The following DCAF6 variants were observed in gnomAD, a reference collection of about 807,000 sequenced individuals.
DCAF6 encodes the protein DDB1- and CUL4-associated factor 6.
In DCAF6, 54 loss-of-function variants were observed where a neutral mutation model predicts 125.1. The ratio of observed to expected loss-of-function variants is 0.43; its 90% confidence interval spans 0.35 to 0.54. The LOEUF is 0.54. Among genes scored for constraint, DCAF6 ranks in the 20% least tolerant of loss-of-function variants. The pLI is 0.01. For synonymous variants in DCAF6, 371 were observed against 390.4 expected (o/e 0.95, Z 0.58); for missense variants, 934 against 1,161.7 (o/e 0.80, Z 2.85).
chr1:167,939,493 T>G (rs894686257), intron 1 of DCAF6, among the ~76,000 whole-genome samples: 9 of 152,206 alleles, frequency 5.9e-5, no homozygotes, highest in Non-Finnish European at 1.3e-4. Context: ...CCGGGCGCGG[T>G]GGCTTACGCC....
At chr1:167,967,579 T>C (rs1290393342) in intron 3 of DCAF6, among the ~76,000 whole-genome samples, 1 of 152,164 alleles carries the variant, frequency 6.6e-6, no homozygotes, top group Non-Finnish European at 1.5e-5. Flanking sequence ...ATAGTTATTT[T>C]AAAATTTGTA....
At position 167,960,374 on chromosome 1, in the gene DCAF6, C is replaced by T. The variant is rs575296456; in HGVS notation, c.160-6255C>T. On this transcript the variant is annotated intron_variant, in intron 2 of 21. Coordinates refer to ENST00000367840, the MANE Select transcript of DCAF6 (RefSeq NM_001198956.2). ...AGTGCAATGGCGCGATCTCAGCTCA[C>T]GGCAGCCTCCACCTCCTGGGTTCAA... is the stretch of plus-strand genomic sequence containing the variant. Among the ~76,000 whole-genome samples, 3 of 152,224 alleles carry T rather than the reference C, an allele frequency of 2.0e-5. 1 individual carries two copies. Among genetic ancestry groups the T allele is most frequent in the East Asian group, 1.9e-4 (1 of 5,182 alleles).
At chr1:168,072,294 TAAAAAAAAA>T (rs59674650) in intron 21 of DCAF6, among the ~76,000 whole-genome samples, 1,180 of 41,120 alleles carry the variant, frequency 0.029, 64 homozygotes, top group African/African-American at 0.089. Flanking sequence ...AGAATCAGTC[TAAAAAAAAA>T]AAAAAAAAAA....
the DCAF6 span, among the ~76,000 whole-genome samples, chr1:167,927,230 A>G: frequency 6.6e-6 from 1 of 152,200 alleles, no homozygotes; most frequent in Non-Finnish European, 1.5e-5. Flanking sequence ...CTTTATGCCA[A>G]GGATATATTA....
intron 8 of DCAF6, 58 bp from the exon 9 acceptor site, chr1:168,003,812 A>G (rs1430937418): frequency 4.1e-6 from 6 of 1,468,282 alleles, no homozygotes; most frequent in African/African-American, 1.4e-5. Context: ...AGGTTTTTGT[A>G]TTAATGAAAG....
chr1:167,969,660 G>A (rs1234656424), intron 3 of DCAF6, among the ~76,000 whole-genome samples: 2 of 152,130 alleles, frequency 1.3e-5, no homozygotes, highest in Non-Finnish European at 2.9e-5. Flanking sequence ...TTAATGGGTC[G>A]TAGTTTTATT....
upstream of DCAF6, among the ~76,000 whole-genome samples, chr1:167,930,908 C>T (rs905778591): frequency 1.3e-5 from 2 of 152,188 alleles, no homozygotes; most frequent in Admixed American, 1.3e-4. Context: ...AGCAGGATAG[C>T]ACACAAAAAA....
intron 8 of DCAF6, among the ~76,000 whole-genome samples, chr1:168,002,859 G>A (rs1016326766): frequency 2.0e-5 from 3 of 152,060 alleles, no homozygotes; most frequent in Non-Finnish European, 2.9e-5. Flanking sequence ...CCCATAGTAC[G>A]TTGGGTATTG....
intron 1 of DCAF6, among the ~76,000 whole-genome samples, chr1:167,939,858 T>C (rs1671963146): frequency 6.6e-6 from 1 of 152,224 alleles, no homozygotes; most frequent in African/African-American, 2.4e-5. Context: ...AGGAAATAGA[T>C]TCCTTTTTTA....
chr1:167,924,673 T>C, the DCAF6 span: 2 of 595,884 alleles, frequency 3.4e-6, no homozygotes, highest in Admixed American at 3.5e-5. Context: ...GCTTTTTGCA[T>C]ACTTTGTATT....
chr1:167,964,789 AAGGTC>A (rs1335238550), intron 2 of DCAF6, among the ~76,000 whole-genome samples: 1 of 151,986 alleles, frequency 6.6e-6, no homozygotes, highest in African/African-American at 2.4e-5. Flanking sequence ...ATATATCCTC[AAGGTC>A]AGAGATTGTT....
intron 10 of DCAF6, 100 bp from the exon 11 acceptor site, chr1:168,015,681 G>A: frequency 5.4e-6 from 6 of 1,105,066 alleles, no homozygotes; most frequent in African/African-American, 1.6e-5. Flanking sequence ...TGAGACATGT[G>A]TTTTGTTTAT....
chr1:168,037,378 A>AC (rs1165597063), intron 12 of DCAF6, among the ~76,000 whole-genome samples: 30 of 152,294 alleles, frequency 2.0e-4, no homozygotes, highest in African/African-American at 7.2e-4. Flanking sequence ...CAGTCCTTGA[A>AC]CTGGTATCAA....
the DCAF6 span, chr1:167,893,991 G>C: frequency 7.5e-7 from 1 of 1,342,226 alleles, no homozygotes; most frequent in Non-Finnish European, 1.1e-6. Context: ...GTTTGGCTCT[G>C]CAGTGCTAGT....
intron 11 of DCAF6, among the ~76,000 whole-genome samples, chr1:168,021,139 ATTCT>A (rs1446820213): frequency 3.3e-5 from 5 of 152,144 alleles, no homozygotes; most frequent in Non-Finnish European, 2.9e-5. Context: ...CCCGTGACTT[ATTCT>A]TTCTTAAATT....
chr1:167,917,014 G>A, the DCAF6 span: 1 of 152,148 alleles, frequency 6.6e-6, no homozygotes, highest in Non-Finnish European at 1.5e-5. Flanking sequence ...ATTTTCATAG[G>A]TTATAGTATT....
chr1:167,944,932 T>G (rs369584766), intron 1 of DCAF6, among the ~76,000 whole-genome samples: 1 of 152,242 alleles, frequency 6.6e-6, no homozygotes, highest in East Asian at 1.9e-4. Context: ...TGCATTCTTC[T>G]GCATATGGAT....
intron 7 of DCAF6, among the ~76,000 whole-genome samples, chr1:168,001,493 GAT>G (rs1557957854): frequency 6.6e-6 from 1 of 152,098 alleles, no homozygotes. Flanking sequence ...TTAGTGGAAA[GAT>G]AGGAAATCAA....
chr1:167,970,733 A>G (rs565771050), intron 3 of DCAF6, among the ~76,000 whole-genome samples: 9 of 152,142 alleles, frequency 5.9e-5, no homozygotes, highest in Admixed American at 5.9e-4. Context: ...GTCAAATACT[A>G]CCTGTTTTTA....
Sources: gnomAD v4.1 joint callset for allele counts (sites outside exome capture counted in the v4.1 genomes callset) on GRCh38, gnomAD v4.1.1 for gene constraint, MANE v1.5 for transcripts, NCBI Gene and HGNC (gene_info 2026-07-23, HGNC 2026-07-21) for gene names.